The following ROBO2 variants were observed in gnomAD, a reference collection of about 807,000 sequenced individuals.
The protein encoded by ROBO2 is roundabout homolog 2.
In ROBO2, 53 loss-of-function variants were observed where a neutral mutation model predicts 160.8. The ratio of observed to expected loss-of-function variants is 0.33; its 90% CI spans 0.26 to 0.41. ROBO2 has a LOEUF of 0.41. Among genes scored for constraint, ROBO2 ranks in the 10% least tolerant of loss-of-function variants. The probability of loss-of-function intolerance (pLI) is 1.00; values close to 1 mark genes in which losing one functional copy is unlikely to be tolerated. For missense variants in ROBO2, 1,577 were observed against 1,722.4 expected, an observed-to-expected ratio of 0.92 and a Z score of 1.49; for synonymous variants, 664 against 611.7, an observed-to-expected ratio of 1.09 and a Z score of -1.26.
At chr3:77,267,223 G>A (rs924134776) in intron 2 of ROBO2, among the ~76,000 whole-genome samples, 1 of 152,018 alleles carries the variant, frequency 6.6e-6, no homozygotes, top group African/African-American at 2.4e-5. Context: ...CAAGTTCAAA[G>A]GTTCTCTCTA....
At chr3:76,397,281 C>T (rs1046925893) in intron 2 of ROBO2, among the ~76,000 whole-genome samples, 2 of 152,214 alleles carry the variant, frequency 1.3e-5, no homozygotes, top group South Asian at 2.1e-4. Context: ...ATGTAGAAAG[C>T]TGAAACTGGA....
intron 2 of ROBO2, among the ~76,000 whole-genome samples, chr3:76,486,535 C>CA (rs1440018989): frequency 6.6e-6 from 1 of 151,378 alleles, no homozygotes; most frequent in African/African-American, 2.4e-5. Flanking sequence ...TATTTTTTTC[C>CA]AAAAAAATGT....
At chr3:76,666,582 G>A (rs974698096) in intron 2 of ROBO2, among the ~76,000 whole-genome samples, 8 of 151,970 alleles carry the variant, frequency 5.3e-5, no homozygotes, top group African/African-American at 1.9e-4. Flanking sequence ...ATTATTAACT[G>A]ATTCTGACCC....
chr3:76,126,493 A>G (rs1353748469), intron 2 of ROBO2, among the ~76,000 whole-genome samples: 1 of 152,108 alleles, frequency 6.6e-6, no homozygotes, highest in East Asian at 1.9e-4. Flanking sequence ...TTTGTTTAAA[A>G]AAACCACCTG....
Position 76,462,166 on chromosome 3 carries a change from T to C in ROBO2, c.109+524564T>C, listed in dbSNP as rs904594869. 2.0e-5 allele frequency among the ~76,000 whole-genome samples: 3 copies of C among 152,186 alleles called. No homozygotes were observed. In the East Asian group the frequency reaches 5.8e-4, roughly 29 times the overall value. ...TCAAAAGTGATTTATCAAAGACTATTAGGAGAAATAAGTAGATAAGTACAA... is the reference window on the plus strand; with the variant it reads ...TCAAAAGTGATTTATCAAAGACTATCAGGAGAAATAAGTAGATAAGTACAA... On this transcript the variant is annotated intron_variant, in intron 2 of 26. Transcript: ENST00000487694.
intron 1 of ROBO2, among the ~76,000 whole-genome samples, chr3:75,928,077 C>T (rs1278835497): frequency 1.4e-5 from 2 of 146,174 alleles, no homozygotes; most frequent in Admixed American, 7.1e-5. Context: ...CTCCGCCTCC[C>T]GGGTTCACGC....
chr3:77,425,955 G>C (rs536855826), intron 2 of ROBO2, among the ~76,000 whole-genome samples: 41 of 152,134 alleles, frequency 2.7e-4, no homozygotes, highest in African/African-American at 9.9e-4. Flanking sequence ...GAGCCACAGC[G>C]CCCAGCCCCT....
chr3:76,887,115 G>A (rs2073952087), intron 2 of ROBO2, among the ~76,000 whole-genome samples: 1 of 151,632 alleles, frequency 6.6e-6, no homozygotes, highest in Non-Finnish European at 1.5e-5. Context: ...GAAAGATGGG[G>A]CATTTTATTG....
At chr3:76,246,681 A>G (rs972668567) in intron 2 of ROBO2, among the ~76,000 whole-genome samples, 1 of 152,078 alleles carries the variant, frequency 6.6e-6, no homozygotes, top group African/African-American at 2.4e-5. Flanking sequence ...CTAGAAAAGG[A>G]TTTATTTTGA....
At chr3:76,970,756 A>C (rs890259427) in intron 2 of ROBO2, among the ~76,000 whole-genome samples, 1 of 152,218 alleles carries the variant, frequency 6.6e-6, no homozygotes, top group Admixed American at 6.5e-5. Context: ...GTAAAAATGG[A>C]TATTTAGGAC....
chr3:77,504,989 G>T (rs1164368419), intron 5 of ROBO2, among the ~76,000 whole-genome samples: 4 of 152,212 alleles, frequency 2.6e-5, no homozygotes, highest in Non-Finnish European at 5.9e-5. Flanking sequence ...TTTGGAAAGC[G>T]TGGGCCAACA....
intron 2 of ROBO2, among the ~76,000 whole-genome samples, chr3:76,201,515 A>G (rs1363347506): frequency 6.6e-6 from 1 of 152,196 alleles, no homozygotes; most frequent in Non-Finnish European, 1.5e-5. Flanking sequence ...ATGTGCCATC[A>G]TTGTTGAACT....
chr3:77,296,821 A>C (rs1230836172), intron 2 of ROBO2, among the ~76,000 whole-genome samples: 1 of 152,124 alleles, frequency 6.6e-6, no homozygotes, highest in South Asian at 2.1e-4. Flanking sequence ...ATAGCTGGCC[A>C]AGAAGAAGCT....
At chr3:77,571,123 T>C (rs545213097) in intron 13 of ROBO2, among the ~76,000 whole-genome samples, 1 of 152,140 alleles carries the variant, frequency 6.6e-6, no homozygotes, top group Admixed American at 6.6e-5. Flanking sequence ...ACATACTCTT[T>C]GCCCATTAAG....
At chr3:76,993,463 A>G (rs2060806884) in intron 2 of ROBO2, among the ~76,000 whole-genome samples, 2 of 152,188 alleles carry the variant, frequency 1.3e-5, no homozygotes, top group Non-Finnish European at 2.9e-5. Flanking sequence ...TTCATATCAT[A>G]ATTTTTTAAT....
At chr3:76,527,192 C>A (rs1316535147) in intron 2 of ROBO2, among the ~76,000 whole-genome samples, 1 of 151,908 alleles carries the variant, frequency 6.6e-6, no homozygotes, top group African/African-American at 2.4e-5. Flanking sequence ...TGGTATATTG[C>A]ACGTAATCCT....
chr3:77,563,211 C>T lies in ROBO2; in HGVS notation c.1564C>T (p.Pro522Ser), dbSNP rs750974106. Residue 522 changes from proline to serine, a missense_variant, in exon 11 of 26, where the codon CCA (proline) becomes TCA (serine). This residue lies in a region of ROBO2 where 940 missense variants were observed against 1,135.5 expected (regional missense o/e 0.83). Transcript: ENST00000461745. ...TAAAAACTATGATTTAAGTGACCTG[C>T]CAGGGCCACCATCCAAACCGCAGGT... The T allele has an allele frequency of 4.3e-6, 7 of 1,613,344 alleles. No homozygotes were observed. In the African/African-American group the frequency reaches 8.0e-5, roughly 18 times the overall value.
intron 2 of ROBO2, among the ~76,000 whole-genome samples, chr3:76,759,389 T>C (rs562659632): frequency 5.1e-4 from 78 of 151,966 alleles, no homozygotes; most frequent in African/African-American, 1.8e-3. Flanking sequence ...TTCAGTGTGT[T>C]CTTCCTTATA....
At chr3:77,504,290 T>G (rs1028193632) in intron 5 of ROBO2, among the ~76,000 whole-genome samples, 2 of 152,192 alleles carry the variant, frequency 1.3e-5, no homozygotes, top group African/African-American at 4.8e-5. Context: ...GAAACCTTTA[T>G]AAAGATGATC....
Sources: allele counts gnomAD v4.1 joint callset (sites outside exome capture counted in the v4.1 genomes callset), GRCh38; gene constraint gnomAD v4.1.1; regional missense constraint gnomAD v4.1.1; transcripts MANE v1.5; gene names NCBI Gene and HGNC (gene_info 2026-07-23, HGNC 2026-07-21).